SCARB2: variants seen among roughly 807,000 people sequenced by gnomAD.
SCARB2 encodes lysosome membrane protein 2.
A neutral mutation model predicts 58.6 loss-of-function variants in SCARB2; 29 were observed. That is an observed-to-expected ratio of 0.49 (90% CI 0.37 to 0.67). The LOEUF is 0.67. Among genes scored for constraint, SCARB2 ranks in the 30% least tolerant of loss-of-function variants. The pLI, the probability that SCARB2 is intolerant of heterozygous loss-of-function variation, is 0.00. For synonymous variants in SCARB2, 195 were observed against 210.1 expected (o/e 0.93, Z 0.62); for missense variants, 488 against 578.5 (o/e 0.84, Z 1.60).
intron 1 of SCARB2, among the ~76,000 whole-genome samples, chr4:76,208,739 C>CA (rs780667132): frequency 1.1e-4 from 16 of 151,776 alleles, no homozygotes; most frequent in African/African-American, 1.5e-4. Flanking sequence ...TTTACAGAAA[C>CA]AAAAAAAAGA....
chr4:76,201,860 T>C (rs1012661237), intron 1 of SCARB2, among the ~76,000 whole-genome samples: 6 of 152,256 alleles, frequency 3.9e-5, no homozygotes, highest in South Asian at 2.1e-4. Context: ...AAGTATAGCA[T>C]AGGATTTTCA....
In SCARB2 at chr4:76,195,790, G is replaced by C. The variant is rs747178450; in HGVS notation, c.192C>G (p.Phe64Leu). ...EKPPLPVYTQ[F>L]YFFNVTNPEE... Reference sequence around the variant, plus strand: ...CTGGATTGGTGACATTGAAGAAATAGAACTGAGTATACACAGGCAGAGGGG... The same window carrying C: ...CTGGATTGGTGACATTGAAGAAATACAACTGAGTATACACAGGCAGAGGGG... Residue 64 changes from phenylalanine to leucine, a missense_variant, in exon 2 of 12, where the codon TTC becomes TTG. Transcript: ENST00000264896. 1 of 1,613,740 alleles carries C rather than the reference G, an allele frequency of 6.2e-7. No individual in the cohort carries two copies. Among genetic ancestry groups the C allele is most frequent in the South Asian group, 1.1e-5 (1 of 91,082 alleles).
In SCARB2 at chr4:76,176,454, C is replaced by T. The variant is rs761766230; in HGVS notation, c.687G>A (p.Val229=). 6 of 1,610,946 alleles carry T rather than the reference C, an allele frequency of 3.7e-6. No individual in the cohort carries two copies. The highest frequency in any genetic ancestry group is 3.4e-6 in the Non-Finnish European group (4 of 1,177,914). The change falls in exon 5 of 12, where the codon GTG becomes GTA. Residue 229 remains valine, a synonymous_variant. Transcript: ENST00000264896. ...EDSYLNFTKI[V]EWNGKTSLDW... is the part of the protein sequence containing the mutation. ...TGACTTACGTTTTCCCATTCCATTC[C>T]ACAATTTTTGTAAAGTTAAGGTAAC...
chr4:76,222,632 C>T (rs1452797669), intron 1 of SCARB2, among the ~76,000 whole-genome samples: 1 of 152,184 alleles, frequency 6.6e-6, no homozygotes, highest in East Asian at 1.9e-4. Context: ...GGGTTTTGGT[C>T]CTTCACATTC....
In SCARB2 at chr4:76,213,452, T is replaced by C. The variant is rs1733109031; in HGVS notation, c.92A>G (p.Lys31Arg). The C allele has an allele frequency of 6.2e-7, 1 of 1,610,536 alleles. No homozygotes were observed. Among genetic ancestry groups the C allele is most frequent in the Non-Finnish European group, 8.5e-7 (1 of 1,178,374 alleles). The change falls in exon 1 of 12, where the codon AAG becomes AGG. Residue 31 changes from lysine to arginine, a missense_variant. By Grantham distance (26) the Lys-to-Arg change is conservative. Transcript: ENST00000264896. ...CTTCTCGATACTCTGGTCTACAGCC[T>C]TCTGGAAGACCCGGGCCACCAGCAG... ...VTLLVARVFQ[K>R]AVDQSIEKKI... is the part of the protein sequence containing the mutation.
chr4:76,217,248 G>A (rs1010825826), upstream of SCARB2, among the ~76,000 whole-genome samples: 13 of 152,308 alleles, frequency 8.5e-5, 1 homozygote, highest in South Asian at 6.2e-4. Flanking sequence ...TTGGGAAGGG[G>A]TTACTGCTCC....
At chr4:76,202,218 C>A (rs1458641869) in intron 1 of SCARB2, among the ~76,000 whole-genome samples, 1 of 152,160 alleles carries the variant, frequency 6.6e-6, no homozygotes, top group Non-Finnish European at 1.5e-5. Flanking sequence ...TTTCTATTCA[C>A]AAATGATGCT....
intron 3 of SCARB2, 113 bp from the exon 4 acceptor site, chr4:76,179,818 A>C: frequency 1.2e-6 from 1 of 864,406 alleles, no homozygotes; most frequent in Non-Finnish European, 2.0e-6. Context: ...AAAGGTTGAG[A>C]TTAAATAGCT....
At chr4:76,180,623 G>A (rs1276510971) in intron 3 of SCARB2, 1 of 159,714 alleles carries the variant, frequency 6.3e-6, no homozygotes, top group African/African-American at 2.4e-5. Context: ...GAAAACAAGG[G>A]GCAAATAAAC....
chr4:76,202,738 T>C (rs917860178), intron 1 of SCARB2, among the ~76,000 whole-genome samples: 2 of 152,214 alleles, frequency 1.3e-5, no homozygotes, highest in African/African-American at 4.8e-5. Context: ...GTCATATATA[T>C]GTGTATTTTA....
upstream of SCARB2, chr4:76,214,480 T>C: frequency 5.5e-6 from 2 of 364,614 alleles, no homozygotes; most frequent in Non-Finnish European, 1.1e-5. Flanking sequence ...AAGAAGGAAG[T>C]TCCTTTTGAC....
intron 9 of SCARB2, among the ~76,000 whole-genome samples, chr4:76,167,682 CGCT>C (rs796743321): frequency 0.015 from 1,556 of 103,898 alleles, 47 homozygotes; most frequent in African/African-American, 0.072. Flanking sequence ...TCCCCCCCCC[CGCT>C]TTTTTTTTTT....
chr4:76,206,382 G>C (rs1419257876), intron 1 of SCARB2, among the ~76,000 whole-genome samples: 1 of 151,994 alleles, frequency 6.6e-6, no homozygotes, highest in East Asian at 1.9e-4. Flanking sequence ...CACAGAACTT[G>C]GTATGACGAG....
At position 76,213,750 on chromosome 4, in the gene SCARB2, G is replaced by A. The variant is rs1733131339; in HGVS notation, c.-207C>T. 13 of 468,450 alleles carry A rather than the reference G, an allele frequency of 2.8e-5. No homozygotes were observed. Among genetic ancestry groups the A allele is most frequent in the Non-Finnish European group, 7.5e-6 (2 of 267,656 alleles). The allele number at this position is 468,450 out of a possible 1,614,324, so 29.0% of individuals were successfully genotyped here. On this transcript the variant is annotated 5_prime_UTR_variant, in exon 1 of 12. Transcript: ENST00000264896. ...TGCACCGGGCGGATGGGGCCGCGGAGGGACGGGCCCGGACTCGGTTTCGGT... is the reference window on the plus strand; with the variant it reads ...TGCACCGGGCGGATGGGGCCGCGGAAGGACGGGCCCGGACTCGGTTTCGGT...
intron 1 of SCARB2, among the ~76,000 whole-genome samples, chr4:76,232,880 T>C (rs190216098): frequency 1.3e-5 from 2 of 152,340 alleles, no homozygotes; most frequent in East Asian, 3.9e-4. Flanking sequence ...GCCAAAATGA[T>C]GACTCAGAAA....
chr4:76,213,993 C>T (rs1485438199), upstream of SCARB2: 7 of 216,958 alleles, frequency 3.2e-5, no homozygotes, highest in East Asian at 1.8e-4. Context: ...TCCCCGGTGG[C>T]CCTGAGTGGC....
chr4:76,163,097 C>T (rs1731931844), intron 11 of SCARB2, 128 bp downstream of exon 11: 1 of 1,212,918 alleles, frequency 8.2e-7, no homozygotes, highest in African/African-American at 1.5e-5. Context: ...AGCACGAAAT[C>T]ACTATGCCCA....
chr4:76,185,499 C>T (rs1732466660), intron 2 of SCARB2, among the ~76,000 whole-genome samples: 1 of 152,138 alleles, frequency 6.6e-6, no homozygotes, highest in Non-Finnish European at 1.5e-5. Flanking sequence ...ATTACTATGA[C>T]GGTCCTTGTC....
chr4:76,217,273 G>A (rs1733225043), upstream of SCARB2, among the ~76,000 whole-genome samples: 1 of 152,198 alleles, frequency 6.6e-6, no homozygotes, highest in Non-Finnish European at 1.5e-5. Flanking sequence ...GTTTAGATGA[G>A]GAGGCTGATG....
Sources: allele counts gnomAD v4.1 joint callset (sites outside exome capture counted in the v4.1 genomes callset), GRCh38; gene constraint gnomAD v4.1.1; transcripts MANE v1.5; gene names NCBI Gene and HGNC (gene_info 2026-07-23, HGNC 2026-07-21).